The following RBFOX1 variants were observed in gnomAD, a reference collection of about 807,000 sequenced individuals.
The protein encoded by RBFOX1 is RNA binding protein fox-1 homolog 1.
RBFOX1 carries 8 observed loss-of-function variants against 57.7 expected under a neutral mutation model. The observed-to-expected ratio is 0.14, with a 90% confidence interval of 0.08 to 0.25. The LOEUF (loss-of-function observed/expected upper bound fraction) is 0.25. Among genes scored for constraint, RBFOX1 ranks in the 10% least tolerant of loss-of-function variants. The pLI is 1.00. For missense variants in RBFOX1, 611 were observed against 548.5 expected (o/e 1.11, Z -1.14); for synonymous variants, 326 against 222.4 (o/e 1.47, Z -4.15).
chr16:7,237,431 C>G (rs143123352), intron 4 of RBFOX1, among the ~76,000 whole-genome samples: 89 of 152,284 alleles, frequency 5.8e-4, no homozygotes, highest in Middle Eastern at 3.4e-3. Flanking sequence ...GTCTCTGGAC[C>G]AGGCACTGCT....
chr16:6,709,921 G>A (rs1057455032), intron 3 of RBFOX1, among the ~76,000 whole-genome samples: 1 of 152,112 alleles, frequency 6.6e-6, no homozygotes, highest in Non-Finnish European at 1.5e-5. Context: ...TTCTAACGGG[G>A]CCCTTTTGAG....
intron 4 of RBFOX1, among the ~76,000 whole-genome samples, chr16:7,463,842 T>C (rs1182502126): frequency 6.6e-6 from 1 of 152,202 alleles, no homozygotes; most frequent in East Asian, 1.9e-4. Flanking sequence ...GCCACTGAGA[T>C]AGATACTTCA....
At chr16:5,840,078 G>T (rs2056579436) in intron 3 of RBFOX1, among the ~76,000 whole-genome samples, 1 of 152,170 alleles carries the variant, frequency 6.6e-6, no homozygotes, top group African/African-American at 2.4e-5. Flanking sequence ...AGTCCATTTA[G>T]TATCTAACTC....
chr16:6,548,670 G>A (rs560598693), intron 2 of RBFOX1, among the ~76,000 whole-genome samples: 3 of 152,260 alleles, frequency 2.0e-5, no homozygotes, highest in East Asian at 3.9e-4. Flanking sequence ...GACTTCAGGC[G>A]CGGTTGAGTC....
At chr16:5,370,368 G>T (rs1286287936) in intron 1 of RBFOX1, among the ~76,000 whole-genome samples, 1 of 151,628 alleles carries the variant, frequency 6.6e-6, no homozygotes, top group Non-Finnish European at 1.5e-5. Context: ...GTCCTCCCTG[G>T]TGCCAGATGC....
chr16:7,182,945 G>GT (rs1202350778), intron 4 of RBFOX1, among the ~76,000 whole-genome samples: 1 of 152,126 alleles, frequency 6.6e-6, no homozygotes. Flanking sequence ...TTTGTTGCTT[G>GT]TTTATCATAT....
intron 4 of RBFOX1, among the ~76,000 whole-genome samples, chr16:7,239,602 C>T (rs897927418): frequency 6.6e-6 from 1 of 152,108 alleles, no homozygotes; most frequent in Non-Finnish European, 1.5e-5. Context: ...AAAAGAAAAA[C>T]AGAAAACACT....
chr16:6,753,321 G>C (rs968780504), intron 3 of RBFOX1, among the ~76,000 whole-genome samples: 6 of 152,190 alleles, frequency 3.9e-5, no homozygotes, highest in African/African-American at 1.4e-4. Flanking sequence ...TTGCTGTTTT[G>C]AGATTTGCAT....
At chr16:6,972,063 C>T (rs1327206458) in intron 3 of RBFOX1, among the ~76,000 whole-genome samples, 3 of 152,122 alleles carry the variant, frequency 2.0e-5, no homozygotes, top group Non-Finnish European at 4.4e-5. Context: ...GTTTCCTTAA[C>T]AAAGAGATAT....
At position 6,469,557 on chromosome 16, in the gene RBFOX1, G is replaced by C. The variant is rs146912043; in HGVS notation, c.-64+152500G>C. 1.4e-3 allele frequency among the ~76,000 whole-genome samples: 213 copies of C among 152,308 alleles called. 1 individual carries two copies. Among genetic ancestry groups the C allele is most frequent in the African/African-American group, 4.8e-3 (201 of 41,566 alleles). Reference sequence around the variant, plus strand: ...GGGTGAGACGAGATGCAAATGCTCGGAGGTATCTCAGCACTCAAGAACAAA... The same window carrying C: ...GGGTGAGACGAGATGCAAATGCTCGCAGGTATCTCAGCACTCAAGAACAAA... On this transcript the variant is annotated intron_variant, in intron 2 of 15. Transcript: ENST00000550418.
chr16:5,522,211 G>T (rs7500340), intron 2 of RBFOX1, among the ~76,000 whole-genome samples: 1 of 152,036 alleles, frequency 6.6e-6, no homozygotes, highest in Non-Finnish European at 1.5e-5. Context: ...TCAAATCTGA[G>T]CTCTTCTACT....
rs984424347 is a variant in RBFOX1, at chr16:7,192,619, A to G, written c.27+140521A>G. 2.0e-5 allele frequency among the ~76,000 whole-genome samples: 3 copies of G among 152,178 alleles called. No homozygotes were observed. The East Asian group carries it at 5.8e-4, about 29-fold the overall frequency. On this transcript the variant is annotated intron_variant, in intron 4 of 15. Coordinates refer to ENST00000550418, the MANE Select transcript of RBFOX1 (RefSeq NM_018723.4). ...ACACGAAAAGGGGGCCAAATGGAAA[A>G]ACTAATGCAATAGACAGTTTAGATC...
At chr16:7,185,694 G>A (rs1295541481) in intron 4 of RBFOX1, among the ~76,000 whole-genome samples, 1 of 152,106 alleles carries the variant, frequency 6.6e-6, no homozygotes, top group East Asian at 1.9e-4. Context: ...ATCTTCAAAG[G>A]CACTCTTTTT....
chr16:5,864,730 C>G (rs1483214989), intron 3 of RBFOX1, among the ~76,000 whole-genome samples: 1 of 152,056 alleles, frequency 6.6e-6, no homozygotes, highest in Non-Finnish European at 1.5e-5. Context: ...AACTGGAAGT[C>G]CAACAGCCAC....
At chr16:5,673,668 T>G (rs2050082105) in intron 3 of RBFOX1, among the ~76,000 whole-genome samples, 1 of 152,234 alleles carries the variant, frequency 6.6e-6, no homozygotes, top group South Asian at 2.1e-4. Flanking sequence ...TTTCCATCTT[T>G]GACTTGCATT....
At chr16:5,909,539 C>T (rs748401847) in intron 4 of RBFOX1, among the ~76,000 whole-genome samples, 15 of 152,356 alleles carry the variant, frequency 9.8e-5, no homozygotes, top group Admixed American at 3.3e-4. Context: ...GTGCAGGAGG[C>T]ACGGTTTATA....
chr16:7,476,203 G>C (rs2062670046), intron 4 of RBFOX1, among the ~76,000 whole-genome samples: 1 of 151,888 alleles, frequency 6.6e-6, no homozygotes, highest in African/African-American at 2.4e-5. Flanking sequence ...GAACTGCTGG[G>C]CTCAAATGAT....
intron 9 of RBFOX1, among the ~76,000 whole-genome samples, chr16:7,605,075 C>G (rs934273181): frequency 3.3e-5 from 5 of 152,080 alleles, no homozygotes; most frequent in African/African-American, 4.8e-5. Context: ...ATGTCTGCAG[C>G]TTTATTTTCA....
intron 2 of RBFOX1, among the ~76,000 whole-genome samples, chr16:6,331,078 T>C (rs975874331): frequency 2.0e-5 from 3 of 152,162 alleles, no homozygotes; most frequent in Non-Finnish European, 2.9e-5. Flanking sequence ...ATACTTGTGT[T>C]TTTAAGAAAG....
Sources: allele counts gnomAD v4.1 joint callset (sites outside exome capture counted in the v4.1 genomes callset), GRCh38; gene constraint gnomAD v4.1.1; transcripts MANE v1.5; gene names NCBI Gene and HGNC (gene_info 2026-07-23, HGNC 2026-07-21).